Variants in AZIN2 observed in about 807,000 individuals in gnomAD.
AZIN2 encodes antizyme inhibitor 2, also known as ODC antizyme inhibitor-2.
In AZIN2, 28 loss-of-function variants were observed where a neutral mutation model predicts 47.8. That is an observed-to-expected ratio of 0.59 (90% confidence interval 0.43 to 0.80). The LOEUF (loss-of-function observed/expected upper bound fraction) is 0.80, where lower values mean the gene tolerates loss of function less well. Ranked by LOEUF, AZIN2 falls within the 30% of genes least tolerant of loss-of-function variation. The pLI, the probability that AZIN2 is intolerant of heterozygous loss-of-function variation, is 0.00. For missense variants in AZIN2, 535 were observed against 582.5 expected, an observed-to-expected ratio of 0.92 and a Z score of 0.84; for synonymous variants, 221 against 239.4, an observed-to-expected ratio of 0.92 and a Z score of 0.71.
At chr1:33,141,249 C>T in the AZIN2 span, among the ~76,000 whole-genome samples, 1 of 151,970 alleles carries the variant, frequency 6.6e-6, no homozygotes, top group Non-Finnish European at 1.5e-5. Flanking sequence ...AGATGTGGGA[C>T]CCTTCTCCTC....
chr1:33,126,342 T>C (rs1644856544), downstream of AZIN2, among the ~76,000 whole-genome samples: 1 of 152,220 alleles, frequency 6.6e-6, no homozygotes, highest in African/African-American at 2.4e-5. Context: ...ATTAAAGAAC[T>C]ACTGATCACA....
At chr1:33,105,036 C>T (rs530006377) in intron 10 of AZIN2, among the ~76,000 whole-genome samples, 3 of 152,186 alleles carry the variant, frequency 2.0e-5, no homozygotes, top group Admixed American at 6.5e-5. Flanking sequence ...ATAAGCAAGA[C>T]GTTTCGTTTA....
At chr1:33,087,750 T>TAA (rs60584060) in intron 5 of AZIN2, among the ~76,000 whole-genome samples, 31,021 of 146,008 alleles carry the variant, frequency 0.21, 3,895 homozygotes, top group South Asian at 0.32. Context: ...ATGCATTCTT[T>TAA]AAAAAAAAAA....
downstream of AZIN2, among the ~76,000 whole-genome samples, chr1:33,127,964 T>C (rs1644868730): frequency 6.6e-6 from 1 of 152,164 alleles, no homozygotes; most frequent in Admixed American, 6.5e-5. Context: ...TTCTGCCAGT[T>C]ATTAGCTGTG....
chr1:33,145,477 C>T, the AZIN2 span: 12 of 164,610 alleles, frequency 7.3e-5, no homozygotes, highest in South Asian at 1.9e-3. Context: ...AAAAATACTG[C>T]TGGGGTGGCC....
the AZIN2 span, among the ~76,000 whole-genome samples, chr1:33,157,198 T>C: frequency 6.6e-6 from 1 of 152,182 alleles, no homozygotes; most frequent in Non-Finnish European, 1.5e-5. Flanking sequence ...TGGCCACTGC[T>C]ACCTTCTCAG....
intron 5 of AZIN2, among the ~76,000 whole-genome samples, chr1:33,091,553 T>G (rs995088894): frequency 1.3e-5 from 2 of 152,128 alleles, no homozygotes; most frequent in Non-Finnish European, 2.9e-5. Context: ...TTTTCAGTTT[T>G]TTTTTTGAGG....
At chr1:33,165,874 C>T in the AZIN2 span, 7,219 of 229,780 alleles carry the variant, frequency 0.031, 168 homozygotes, top group Middle Eastern at 0.062. This position sits in a 1 kb window ranked among gnomAD's most constrained non-coding sequence, Gnocchi z 4.0. Flanking sequence ...CCTGGATCCC[C>T]GCTTAGAATT....
At chr1:33,110,163 A>G (rs1261478220) in intron 10 of AZIN2, among the ~76,000 whole-genome samples, 2 of 152,186 alleles carry the variant, frequency 1.3e-5, no homozygotes, top group Non-Finnish European at 2.9e-5. Flanking sequence ...GAGAGAAAAA[A>G]ATTGAGATTT....
chr1:33,127,347 C>A (rs1644864172), downstream of AZIN2, among the ~76,000 whole-genome samples: 1 of 152,262 alleles, frequency 6.6e-6, no homozygotes, highest in South Asian at 2.1e-4. Context: ...AGGCTTCGAG[C>A]CACGCGATGT....
In AZIN2 at chr1:33,081,291, T is replaced by C. The variant is rs1641219283; in HGVS notation, c.-409T>C. ...GGGCCGAAGCCGTGTAAATGCGTTT[T>C]AAGGCGAGTGCGGAAAGTGGCCTGG... On this transcript the variant is annotated 5_prime_UTR_variant, in exon 1 of 12. It removes the in-frame stop codon of an upstream open reading frame in the 5' UTR. Transcript: ENST00000294517. The surrounding 1 kb of genome is among the most constrained non-coding windows in gnomAD (Gnocchi z 4.2). 1 of 152,944 alleles carries C rather than the reference T, an allele frequency of 6.5e-6. No individual in the cohort carries two copies. The highest frequency in any genetic ancestry group is 1.5e-5 in the Non-Finnish European group (1 of 68,294). The allele number at this position is 152,944 out of a possible 1,614,324, so 9.5% of individuals were successfully genotyped here. A position where few individuals can be genotyped will look rare whatever the true frequency, so the allele number is the denominator to read the frequency against.
At chr1:33,160,121 T>C in the AZIN2 span, among the ~76,000 whole-genome samples, 1 of 152,096 alleles carries the variant, frequency 6.6e-6, no homozygotes, top group Non-Finnish European at 1.5e-5. Flanking sequence ...GCATGTTCTA[T>C]GTGGTCCATT....
At chr1:33,153,804 A>T in the AZIN2 span, among the ~76,000 whole-genome samples, 3 of 152,234 alleles carry the variant, frequency 2.0e-5, no homozygotes, top group Non-Finnish European at 2.9e-5. Context: ...CTATTCTAGA[A>T]ACAGAACTGA....
At chr1:33,093,072 G>A (rs935701525) in intron 6 of AZIN2, among the ~76,000 whole-genome samples, 14 of 152,210 alleles carry the variant, frequency 9.2e-5, no homozygotes, top group Non-Finnish European at 1.5e-4. Flanking sequence ...GGACCAGGGC[G>A]CAGGGGCTGC....
At chr1:33,165,420 G>T in the AZIN2 span, 3 of 1,465,736 alleles carry the variant, frequency 2.0e-6, no homozygotes, top group Non-Finnish European at 2.8e-6. This position sits in a 1 kb window ranked among gnomAD's most constrained non-coding sequence, Gnocchi z 4.0. Flanking sequence ...GCCCCTCGAA[G>T]CCCTGCCCTC....
Position 33,087,095 on chromosome 1 carries a change from CATAG to C in AZIN2, c.279+2972_279+2975del, listed in dbSNP as rs1486926702. Among the ~76,000 whole-genome samples the C allele has an allele frequency of 2.6e-5, 4 of 151,826 alleles. No homozygotes were observed. In the East Asian group the frequency reaches 5.8e-4, roughly 22 times the overall value. On this transcript the variant is annotated intron_variant, in intron 5 of 11. Transcript: ENST00000294517. The stretch of plus-strand genomic sequence containing the variant: ...AACTAGGACATCAGCTTTATGTCTC[CATAG>C]ATAATCACCAGGATGGTTTTGGTGG...
At position 33,117,930 on chromosome 1, in the gene AZIN2, G is replaced by C. The variant is rs1644630520; in HGVS notation, c.1058G>C (p.Ser353Thr). Residue 353 changes from serine (S) to threonine (T), a missense_variant, in exon 11 of 12, where the codon AGC (serine) becomes ACC (threonine). This residue lies in a region of AZIN2 where 4 missense variants were observed against 17.7 expected (regional missense o/e 0.23). Coordinates refer to ENST00000294517, the MANE Select transcript of AZIN2 (RefSeq NM_052998.4). ...KKPSTEQPLY[S>T]SSLWGPAVDG... The stretch of plus-strand genomic sequence containing the variant: ...CCATCCACGGAGCAGCCCCTGTACA[G>C]CAGCAGCCTGTGGGGCCCGGCGGTT... 1 of 1,613,884 alleles carries C rather than the reference G, an allele frequency of 6.2e-7. No individual in the cohort carries two copies. The highest frequency in any genetic ancestry group is 1.3e-5 in the African/African-American group (1 of 74,936).
intron 5 of AZIN2, among the ~76,000 whole-genome samples, chr1:33,089,236 T>A (rs1392678366): frequency 6.6e-6 from 1 of 152,194 alleles, no homozygotes; most frequent in Non-Finnish European, 1.5e-5. Context: ...AATGAGAATG[T>A]ATATAAAATA....
Position 33,098,015 on chromosome 1 carries a change from C to T in AZIN2, c.917-52C>T, listed in dbSNP as rs540471726. The T allele has an allele frequency of 2.2e-6, 3 of 1,372,062 alleles. No homozygotes were observed. In the South Asian group the frequency reaches 3.5e-5, roughly 16 times the overall value. 85.0% of individuals were successfully genotyped at this position (1,372,062 alleles called of 1,614,324 possible). ...GCCCACTGTTGTGTCAGCCCCACTA[C>T]CACCCCCTCACATTGCTACTTGTGC... On this transcript the variant is annotated intron_variant, in intron 9 of 11. Coordinates refer to ENST00000294517, the MANE Select transcript of AZIN2 (RefSeq NM_052998.4).
Sources: gnomAD v4.1 joint callset for allele counts (sites outside exome capture counted in the v4.1 genomes callset) on GRCh38, gnomAD v4.1.1 for gene constraint, gnomAD v4.1.1 regional missense constraint, Gnocchi (gnomAD v3.1) non-coding constraint, MANE v1.5 for transcripts, NCBI Gene and HGNC (gene_info 2026-07-23, HGNC 2026-07-21) for gene names.